MAPT: variants seen among roughly 807,000 people sequenced by gnomAD.
The protein encoded by MAPT is microtubule-associated protein tau.
Under a neutral mutation model 67.9 loss-of-function variants are expected in MAPT, and 34 were observed. That is an observed-to-expected ratio of 0.50 (90% CI 0.38 to 0.67). MAPT has a LOEUF of 0.67. MAPT is among the 30% of genes least tolerant of loss of function. MAPT has a pLI of 0.00. For missense variants in MAPT, 881 were observed against 1,115.2 expected (o/e 0.79, Z 2.99); for synonymous variants, 456 against 464.5 (o/e 0.98, Z 0.23).
At chr17:45,937,458 G>A (rs1337320877) in intron 1 of MAPT, among the ~76,000 whole-genome samples, 2 of 152,022 alleles carry the variant, frequency 1.3e-5, no homozygotes, top group African/African-American at 4.8e-5. Context: ...GGGTGTGGTG[G>A]TGGGCACCTG....
chr17:45,949,349 G>A (rs978898716), intron 1 of MAPT, among the ~76,000 whole-genome samples: 1 of 152,220 alleles, frequency 6.6e-6, no homozygotes, highest in Non-Finnish European at 1.5e-5. Context: ...ATGCGCCCGC[G>A]GTGTAGGAGA....
At chr17:46,005,073 C>T (rs578119860) in intron 9 of MAPT, among the ~76,000 whole-genome samples, 3 of 152,308 alleles carry the variant, frequency 2.0e-5, no homozygotes, top group South Asian at 2.1e-4. Context: ...CGTGAGCCAC[C>T]GTGCCCGGCC....
At chr17:45,908,760 AAG>A (rs2064518497) in intron 1 of MAPT, among the ~76,000 whole-genome samples, 1 of 152,158 alleles carries the variant, frequency 6.6e-6, no homozygotes, top group Admixed American at 6.5e-5. Context: ...AACTAAAAGC[AAG>A]AGTCATTTCT....
intron 3 of MAPT, chr17:45,972,218 T>G: frequency 1.6e-6 from 1 of 624,172 alleles, no homozygotes. Flanking sequence ...TCCATACGAT[T>G]GTCCTCCCAC....
chr17:45,924,841 TGTCCTGGCC>T (rs2066125225), intron 1 of MAPT, among the ~76,000 whole-genome samples: 1 of 152,228 alleles, frequency 6.6e-6, no homozygotes, highest in African/African-American at 2.4e-5. Flanking sequence ...ATTGCTGCTG[TGTCCTGGCC>T]ATTGCTGGGG....
At chr17:45,986,563 C>T (rs898788899) in intron 5 of MAPT, among the ~76,000 whole-genome samples, 20 of 152,308 alleles carry the variant, frequency 1.3e-4, no homozygotes, top group African/African-American at 4.8e-4. Flanking sequence ...TGCACCCACC[C>T]CCATCCTTGG....
chr17:45,941,709 T>TCCTTCCTTCCTTCCTG (rs2067984132), intron 1 of MAPT, among the ~76,000 whole-genome samples: 2 of 107,282 alleles, frequency 1.9e-5, no homozygotes, highest in African/African-American at 8.9e-5. Flanking sequence ...CTGCCTGCCT[T>TCCTTCCTTCCTTCCTG]CCTTCCTTCC....
At chr17:45,909,162 G>T (rs1247953754) in intron 1 of MAPT, among the ~76,000 whole-genome samples, 1 of 151,974 alleles carries the variant, frequency 6.6e-6, no homozygotes, top group Non-Finnish European at 1.5e-5. Flanking sequence ...GGCAGCCCAG[G>T]GCACACTGGT....
rs767059 is a variant in MAPT at position 45,921,734 on chromosome 17, G to A, written c.-18+27048G>A. The stretch of plus-strand genomic sequence containing the variant: ...AGTTTTTGAATATTGTAACATGTTC[G>A]TAGGCTGTTTGTCTGGTTTAAACTC... On this transcript the variant is annotated intron_variant, in intron 1 of 12. Transcript: ENST00000262410. 3.9e-3 allele frequency among the ~76,000 whole-genome samples: 601 copies of A among 152,202 alleles called. 7 individuals are homozygous for A. Among genetic ancestry groups the A allele is most frequent in the African/African-American group, 0.014 (567 of 41,536 alleles).
rs1026584580 is a variant in MAPT at position 45,900,937 on chromosome 17, G to A, written c.-18+6251G>A. ...TAACTGCTCAGTAAATGGCATCATCGGCGGTGTCCTGTGGATGAGTGCTTG... is the reference window on the plus strand; with the variant it reads ...TAACTGCTCAGTAAATGGCATCATCAGCGGTGTCCTGTGGATGAGTGCTTG... On this transcript the variant is annotated intron_variant, in intron 1 of 12. Transcript: ENST00000262410. Among the ~76,000 whole-genome samples the A allele has an allele frequency of 2.0e-5, 3 of 152,158 alleles. No individual in the cohort carries two copies. The South Asian group carries it at 6.2e-4, about 32-fold the overall frequency.
intron 1 of MAPT, among the ~76,000 whole-genome samples, chr17:45,942,797 G>A (rs2068114214): frequency 6.6e-6 from 1 of 152,216 alleles, no homozygotes; most frequent in South Asian, 2.1e-4. Flanking sequence ...CGATGGTTCT[G>A]AACACTTGAC....
intron 1 of MAPT, among the ~76,000 whole-genome samples, chr17:45,956,592 ATATATATATT>A (rs2069732258): frequency 4.0e-4 from 9 of 22,478 alleles, no homozygotes; most frequent in African/African-American, 1.4e-3. Context: ...ATATATATAT[ATATATATATT>A]TTTTATTATT....
intron 1 of MAPT, among the ~76,000 whole-genome samples, chr17:45,914,348 A>G (rs1568152077): frequency 6.6e-6 from 1 of 152,074 alleles, no homozygotes; most frequent in South Asian, 2.1e-4. Context: ...GAGCAGAGGC[A>G]TCCATGGGGG....
chr17:45,962,567 A>C, intron 2 of MAPT, 97 bp downstream of exon 2: 2 of 1,455,646 alleles, frequency 1.4e-6, no homozygotes, highest in Non-Finnish European at 1.9e-6. Flanking sequence ...TTTTAAATAC[A>C]TTATTGTCTT....
At chr17:45,960,821 C>A (rs1464738275) in intron 1 of MAPT, among the ~76,000 whole-genome samples, 1 of 130,734 alleles carries the variant, frequency 7.6e-6, no homozygotes, top group African/African-American at 2.8e-5. Context: ...AAGCATTTAT[C>A]CTGGATTATT....
intron 1 of MAPT, among the ~76,000 whole-genome samples, chr17:45,954,985 A>C: frequency 6.6e-6 from 1 of 151,702 alleles, no homozygotes; most frequent in East Asian, 1.9e-4. Flanking sequence ...ACTCCGTCTC[A>C]AAAACAAAAA....
chr17:45,990,391 A>T, intron 7 of MAPT: 1 of 457,370 alleles, frequency 2.2e-6, no homozygotes, highest in Non-Finnish European at 4.1e-6. Context: ...AGGAGGGTGG[A>T]TCACCTGAGA....
intron 1 of MAPT, among the ~76,000 whole-genome samples, chr17:45,946,764 AAAAC>A (rs989789922): frequency 1.3e-5 from 2 of 151,800 alleles, no homozygotes; most frequent in South Asian, 2.1e-4. Flanking sequence ...GCTTTTAGTT[AAAAC>A]AAACAAACAA....
chr17:45,988,388 G>A (rs1211283370), intron 6 of MAPT, among the ~76,000 whole-genome samples: 1 of 152,160 alleles, frequency 6.6e-6, no homozygotes, highest in African/African-American at 2.4e-5. Context: ...AGTGTGACCT[G>A]TTCCCCTCCA....
Sources: gnomAD v4.1 joint callset for allele counts (sites outside exome capture counted in the v4.1 genomes callset) on GRCh38, gnomAD v4.1.1 for gene constraint, MANE v1.5 for transcripts, NCBI Gene and HGNC (gene_info 2026-07-23, HGNC 2026-07-21) for gene names.